Variants in RSPH1 observed in about 807,000 individuals in gnomAD.
The protein encoded by RSPH1 is radial spoke head 1 homolog.
Under a neutral mutation model 44.2 loss-of-function variants are expected in RSPH1, and 32 were observed. The observed-to-expected ratio is 0.72, with a 90% CI of 0.55 to 0.97. RSPH1 has a LOEUF of 0.97. Ranked by LOEUF, RSPH1 falls within the 50% of genes least tolerant of loss-of-function variation. RSPH1 has a pLI of 0.00. For synonymous variants in RSPH1, 134 were observed against 147.3 expected (o/e 0.91, Z 0.65); for missense variants, 391 against 398.7 (o/e 0.98, Z 0.16).
intron 3 of RSPH1, 92 bp from the exon 4 acceptor site, chr21:42,486,553 G>A: frequency 2.2e-6 from 2 of 910,074 alleles, no homozygotes; most frequent in Non-Finnish European, 3.7e-6. Flanking sequence ...GGCAAAGGCA[G>A]ATGTGTTGTG....
At chr21:42,490,113 C>T (rs2054221566) in intron 3 of RSPH1, among the ~76,000 whole-genome samples, 1 of 151,776 alleles carries the variant, frequency 6.6e-6, no homozygotes, top group Non-Finnish European at 1.5e-5. Context: ...CATCTGGCAC[C>T]CACCCTCCCC....
rs1207354330 is a variant in RSPH1, at chr21:42,474,988, C to A, written c.877+910G>T. On this transcript the variant is annotated intron_variant, in intron 8 of 8. Transcript: ENST00000291536. The surrounding 1 kb of genome is among the most constrained non-coding windows in gnomAD (Gnocchi z 5.2). ...AGACCCCGTGCCTGAGGCCGCCGTG[C>A]CCAGGCTGTTCCCAGATGGCCCTTT... Among the ~76,000 whole-genome samples, 1 of 152,210 alleles carries A rather than the reference C, an allele frequency of 6.6e-6. No individual in the cohort carries two copies.
At chr21:42,473,108 T>A (rs146589453) in intron 8 of RSPH1, among the ~76,000 whole-genome samples, 176 of 152,322 alleles carry the variant, frequency 1.2e-3, no homozygotes, top group African/African-American at 4.0e-3. Context: ...AGACTATCCA[T>A]GTAACATCAG....
At chr21:42,477,002 GC>G (rs1315969779) in intron 7 of RSPH1, among the ~76,000 whole-genome samples, 52 of 25,994 alleles carry the variant, frequency 2.0e-3, no homozygotes, top group African/African-American at 4.0e-3. Flanking sequence ...CTGTCCCACA[GC>G]CCGGGGGATG....
Position 42,474,727 on chromosome 21 carries a change from G to A in RSPH1, c.877+1171C>T, listed in dbSNP as rs1315542577. ...AAGCCAGGTTTCCACCTGACCCCAC[G>A]TCCCACCTCAGCACTGCGTCACTGG... On this transcript the variant is annotated intron_variant, in intron 8 of 8. Coordinates refer to ENST00000291536, the MANE Select transcript of RSPH1 (RefSeq NM_080860.4). The surrounding 1 kb of genome is among the most constrained non-coding windows in gnomAD (Gnocchi z 5.2). 6.7e-6 allele frequency among the ~76,000 whole-genome samples: 1 copy of A among 148,488 alleles called. No homozygotes were observed. The highest frequency in any genetic ancestry group is 1.5e-5 in the Non-Finnish European group (1 of 67,982).
intron 8 of RSPH1, 54 bp downstream of exon 8, chr21:42,475,844 T>A: frequency 6.3e-7 from 1 of 1,587,966 alleles, no homozygotes; most frequent in Non-Finnish European, 8.6e-7. Context: ...AATCCCACTG[T>A]TCGTGGCCCC....
At chr21:42,480,508 C>T (rs1162851397) in intron 6 of RSPH1, among the ~76,000 whole-genome samples, 1 of 151,934 alleles carries the variant, frequency 6.6e-6, no homozygotes, top group African/African-American at 2.4e-5. Flanking sequence ...GGCGTGGTGG[C>T]ACATGCCTGT....
In RSPH1 at chr21:42,495,311, G is replaced by A. The variant is rs946057310; in HGVS notation, c.54+822C>T. Reference sequence around the variant, plus strand: ...GCTGGGAGATGAGTGCCCAGAGCTAGCAAAAAGGTCTGGGCAGGCACTGAC... The same window carrying A: ...GCTGGGAGATGAGTGCCCAGAGCTAACAAAAAGGTCTGGGCAGGCACTGAC... On this transcript the variant is annotated intron_variant, in intron 1 of 8. Coordinates refer to ENST00000291536, the MANE Select transcript of RSPH1 (RefSeq NM_080860.4). Among the ~76,000 whole-genome samples, 46 of 152,194 alleles carry A rather than the reference G, an allele frequency of 3.0e-4. 1 individual carries two copies. Among genetic ancestry groups the A allele is most frequent in the Non-Finnish European group, 1.8e-4 (12 of 68,032 alleles).
chr21:42,493,007 T>C lies in RSPH1; in HGVS notation c.127A>G (p.Thr43Ala). ...CCGAATTCGTAGCTCCCTTCGTAGG[T>C]GTCCCCGTTGGGTAGCCGTGCCCTC... ...RGRARLPNGD[T>A]YEGSYEFGKR... The change falls in exon 2 of 9, where the codon ACC becomes GCC. Residue 43 changes from threonine (T) to alanine (A), a missense_variant. Physicochemically the swap from Thr to Ala is moderately conservative, Grantham distance 58. Transcript: ENST00000291536. 6.2e-7 allele frequency: 1 copy of C among 1,614,238 alleles called. No homozygotes were observed. The highest frequency in any genetic ancestry group is 8.5e-7 in the Non-Finnish European group (1 of 1,180,038).
intron 3 of RSPH1, among the ~76,000 whole-genome samples, chr21:42,491,020 G>T (rs2054230932): frequency 6.6e-6 from 1 of 152,132 alleles, no homozygotes; most frequent in Non-Finnish European, 1.5e-5. Context: ...AACCTTCCAG[G>T]CCTTGCCCTC....
chr21:42,479,828 G>A (rs2054107454), intron 6 of RSPH1, among the ~76,000 whole-genome samples: 1 of 152,102 alleles, frequency 6.6e-6, no homozygotes, highest in Non-Finnish European at 1.5e-5. Context: ...AGATGCAGGT[G>A]ACTTACAGGA....
At chr21:42,484,328 G>A (rs772108165) in intron 5 of RSPH1, among the ~76,000 whole-genome samples, 8 of 152,276 alleles carry the variant, frequency 5.3e-5, no homozygotes, top group South Asian at 2.1e-4. Flanking sequence ...GGGCACTACC[G>A]ATTGTGATTC....
At chr21:42,476,690 A>G (rs1234781184) in intron 7 of RSPH1, among the ~76,000 whole-genome samples, 4 of 151,894 alleles carry the variant, frequency 2.6e-5, no homozygotes, top group African/African-American at 9.7e-5. Flanking sequence ...TCACTGACCT[A>G]GGTGAGGGGA....
chr21:42,489,064 G>A (rs1464691295), intron 3 of RSPH1, among the ~76,000 whole-genome samples: 4 of 151,966 alleles, frequency 2.6e-5, no homozygotes, highest in Non-Finnish European at 4.4e-5. Flanking sequence ...TGGCTGGTTG[G>A]TTAGTTGGCT....
At position 42,485,709 on chromosome 21, in the gene RSPH1, T is replaced by A; in HGVS notation, c.461A>T (p.His154Leu). ...CTTGCCCTGGTACCTGTGGTTCAGG[T>A]GAATGAGCTCGGCCGTGCCCTCCTG... ...GQQEGTAELI[H>L]LNHRYQGKFL... Residue 154 changes from histidine (H) to leucine (L), a missense_variant, in exon 5 of 9, where the codon CAC becomes CTC. Physicochemically the swap from His to Leu is moderately conservative, Grantham distance 99. Transcript: ENST00000291536. The A allele has an allele frequency of 6.2e-7, 1 of 1,614,196 alleles. No homozygotes were observed. Among genetic ancestry groups the A allele is most frequent in the South Asian group, 1.1e-5 (1 of 91,084 alleles).
intron 7 of RSPH1, among the ~76,000 whole-genome samples, chr21:42,476,918 A>C (rs974990439): frequency 2.6e-5 from 4 of 152,154 alleles, no homozygotes; most frequent in African/African-American, 9.7e-5. Context: ...GCCTGAAAAC[A>C]GGATGTCCAC....
At chr21:42,486,699 A>C (rs2054184429) in intron 3 of RSPH1, among the ~76,000 whole-genome samples, 1 of 152,162 alleles carries the variant, frequency 6.6e-6, no homozygotes. Context: ...TTTGTGCCAG[A>C]TGGCATAGGT....
intron 6 of RSPH1, among the ~76,000 whole-genome samples, chr21:42,480,245 G>A (rs567827242): frequency 2.6e-5 from 4 of 152,314 alleles, no homozygotes; most frequent in East Asian, 1.9e-4. Flanking sequence ...AACGGAGCAC[G>A]GACAGTCACT....
intron 8 of RSPH1, 150 bp from the exon 9 acceptor site, chr21:42,473,020 T>C: frequency 1.7e-6 from 1 of 599,974 alleles, no homozygotes; most frequent in South Asian, 2.1e-5. Context: ...TTTTATCTCA[T>C]ATGCACTTCA....
Sources: allele counts gnomAD v4.1 joint callset (sites outside exome capture counted in the v4.1 genomes callset), GRCh38; gene constraint gnomAD v4.1.1; non-coding constraint Gnocchi (gnomAD v3.1); transcripts MANE v1.5; gene names NCBI Gene and HGNC (gene_info 2026-07-23, HGNC 2026-07-21).